Variants in NIPBL observed in about 807,000 individuals in gnomAD.
NIPBL encodes nipped-B-like protein.
Under a neutral mutation model 321.8 loss-of-function variants are expected in NIPBL, and 19 were observed. That is an observed-to-expected ratio of 0.06 (90% confidence interval 0.04 to 0.09). The LOEUF is 0.09. Among genes scored for constraint, NIPBL ranks in the 10% least tolerant of loss-of-function variants. The pLI, the probability that NIPBL is intolerant of heterozygous loss-of-function variation, is 1.00. For missense variants in NIPBL, 2,210 were observed against 3,327.0 expected (o/e 0.66, Z 8.26); for synonymous variants, 1,106 against 1,114.1 (o/e 0.99, Z 0.14).
chr5:36,988,231 C>A (rs1338670045), intron 10 of NIPBL, among the ~76,000 whole-genome samples: 3 of 151,990 alleles, frequency 2.0e-5, no homozygotes, highest in Non-Finnish European at 2.9e-5. Context: ...CACCAAAATG[C>A]GTTTCTGATA....
chr5:36,944,738 T>TAAA (rs995038691), intron 1 of NIPBL, among the ~76,000 whole-genome samples: 1 of 148,198 alleles, frequency 6.7e-6, no homozygotes, highest in African/African-American at 2.5e-5. Context: ...GATGTGCTAG[T>TAAA]AAAAAAAAAA....
At chr5:37,032,738 G>A (rs1751211597) in intron 32 of NIPBL, among the ~76,000 whole-genome samples, 1 of 152,134 alleles carries the variant, frequency 6.6e-6, no homozygotes. Context: ...TTGTGCCACT[G>A]CCCTTTCTTC....
intron 1 of NIPBL, among the ~76,000 whole-genome samples, chr5:36,893,490 AT>A (rs546449629): frequency 0.015 from 2,160 of 147,896 alleles, 54 homozygotes; most frequent in African/African-American, 0.051. Context: ...TCACCTAGGG[AT>A]TTTTTTTTTT....
At chr5:37,037,876 G>A (rs947159069) in intron 33 of NIPBL, among the ~76,000 whole-genome samples, 1 of 150,446 alleles carries the variant, frequency 6.6e-6, no homozygotes, top group East Asian at 1.9e-4. Context: ...TCTGTTTGTT[G>A]CTCCCATTTT....
At chr5:37,049,476 C>T (rs1319015287) in intron 40 of NIPBL, among the ~76,000 whole-genome samples, 175 bp downstream of exon 40, 2 of 152,134 alleles carry the variant, frequency 1.3e-5, no homozygotes, top group African/African-American at 2.4e-5. Context: ...CTGCAAAATA[C>T]CCATATATTC....
rs748641174 is a variant in NIPBL at position 37,036,335 on chromosome 5, GTATATA to G, written c.5863-38_5863-33del. The G allele has an allele frequency of 8.5e-4, 388 of 456,964 alleles. 1 individual carries two copies. Among genetic ancestry groups the G allele is most frequent in the East Asian group, 1.6e-3 (26 of 16,434 alleles). 28.3% of individuals were successfully genotyped at this position (456,964 alleles called of 1,614,324 possible). A position where few individuals can be genotyped will look rare whatever the true frequency, so the allele number is the denominator to read the frequency against. On this transcript the variant is annotated intron_variant, in intron 32 of 46. Coordinates refer to ENST00000282516, the MANE Select transcript of NIPBL (RefSeq NM_133433.4). ...ATACCGGGATTTTTTTTTCTTTTTT[GTATATA>G]TATATGTATATATATATATATATAT... is the stretch of plus-strand genomic sequence containing the variant.
At chr5:36,997,022 T>A (rs1297888741) in intron 11 of NIPBL, 4 of 152,480 alleles carry the variant, frequency 2.6e-5, no homozygotes, top group Non-Finnish European at 5.9e-5. Flanking sequence ...TCATGTATAA[T>A]TGTTATAATT....
intron 40 of NIPBL, among the ~76,000 whole-genome samples, chr5:37,050,265 A>G (rs944667941): frequency 1.3e-5 from 2 of 152,038 alleles, no homozygotes; most frequent in Admixed American, 1.3e-4. Context: ...GGAGTTCAAA[A>G]CCAGCATAGC....
Position 36,970,994 on chromosome 5 carries a change from A to G in NIPBL, c.729A>G (p.Ser243=). 1 of 1,613,770 alleles carries G rather than the reference A, an allele frequency of 6.2e-7. No individual in the cohort carries two copies. ...NHHADNPRHG[S]SEDYLHMVHR... ...ATGCTGATAATCCTAGACATGGTTC[A>G]AGTGAGGACTACCTACACATGGTGC... Residue 243 remains serine (S), a synonymous_variant, in exon 7 of 47, where the codon TCA becomes TCG. Coordinates refer to ENST00000282516, the MANE Select transcript of NIPBL (RefSeq NM_133433.4).
In NIPBL at chr5:36,975,998, G is replaced by A; in HGVS notation, c.1091G>A (p.Arg364His). Reference protein sequence around the residue: ...DSTKLTLRLSRVRSSDMDQQE... With the variant: ...DSTKLTLRLSHVRSSDMDQQE... ...ACTAAACTTACATTAAGACTTTCTC[G>A]TGTAAGGTCTTCAGACATGGACCAG... Residue 364 changes from arginine to histidine, a missense_variant, in exon 9 of 47, where the codon CGT (arginine) becomes CAT (histidine). Coordinates refer to ENST00000282516, the MANE Select transcript of NIPBL (RefSeq NM_133433.4). 3 of 1,614,024 alleles carry A rather than the reference G, an allele frequency of 1.9e-6. No individual in the cohort carries two copies. Among genetic ancestry groups the A allele is most frequent in the Non-Finnish European group, 1.7e-6 (2 of 1,179,934 alleles).
At chr5:37,051,922 C>A in intron 41 of NIPBL, 36 bp downstream of exon 41, 1 of 1,448,722 alleles carries the variant, frequency 6.9e-7, no homozygotes, top group Non-Finnish European at 9.7e-7. Flanking sequence ...TAAATTTAAA[C>A]ATTTTTCTTG....
At position 36,995,795 on chromosome 5, in the gene NIPBL, G is replaced by C; in HGVS notation, c.3295G>C (p.Ala1099Pro). The C allele has an allele frequency of 6.2e-7, 1 of 1,612,470 alleles. No individual in the cohort carries two copies. Among genetic ancestry groups the C allele is most frequent in the Non-Finnish European group, 8.5e-7 (1 of 1,178,706 alleles). Reference sequence around the variant, plus strand: ...AGATGAAGATAATGATAGTGATGAAGCTTTTGAATGTAAGTATCACAGAAC... The same window carrying C: ...AGATGAAGATAATGATAGTGATGAACCTTTTGAATGTAAGTATCACAGAAC... ...SSDEDNDSDEAFESSRKRHKK... is the reference protein window; with the variant it reads ...SSDEDNDSDEPFESSRKRHKK... Residue 1099 changes from alanine to proline, a missense_variant, in exon 11 of 47, where the codon GCT becomes CCT. By Grantham distance (27) the Ala-to-Pro change is conservative. Coordinates refer to ENST00000282516, the MANE Select transcript of NIPBL (RefSeq NM_133433.4).
intron 1 of NIPBL, among the ~76,000 whole-genome samples, chr5:36,902,497 TAG>T (rs1408932523): frequency 6.6e-6 from 1 of 152,090 alleles, no homozygotes; most frequent in Non-Finnish European, 1.5e-5. Context: ...TATTATTGAA[TAG>T]AGAGTCCTTT....
At chr5:36,914,428 C>A (rs1203541447) in intron 1 of NIPBL, among the ~76,000 whole-genome samples, 2 of 152,140 alleles carry the variant, frequency 1.3e-5, no homozygotes, top group African/African-American at 4.8e-5. Context: ...GATCCAAAAT[C>A]CAAAACTTTT....
intron 46 of NIPBL, 125 bp from the exon 47 acceptor site, chr5:37,064,402 C>T (rs1304738194): frequency 6.5e-7 from 1 of 1,545,666 alleles, no homozygotes; most frequent in Non-Finnish European, 8.7e-7. Flanking sequence ...TCATTGCCGG[C>T]AATGGAAGTG....
intron 1 of NIPBL, among the ~76,000 whole-genome samples, chr5:36,940,795 A>G (rs1393543984): frequency 1.3e-5 from 2 of 152,158 alleles, no homozygotes; most frequent in African/African-American, 2.4e-5. Flanking sequence ...AATTCATAAG[A>G]TAAGGATTAA....
intron 10 of NIPBL, among the ~76,000 whole-genome samples, chr5:36,991,019 T>A (rs1745448191): frequency 6.6e-6 from 1 of 152,070 alleles, no homozygotes; most frequent in Non-Finnish European, 1.5e-5. Context: ...AATGAAACCC[T>A]TCTTTACAAG....
intron 22 of NIPBL, among the ~76,000 whole-genome samples, chr5:37,015,488 A>T (rs1300694657): frequency 2.0e-5 from 3 of 152,008 alleles, no homozygotes; most frequent in East Asian, 3.9e-4. Context: ...TAATCCCAGC[A>T]CTTTGGAAGA....
At chr5:36,945,139 G>T (rs1025344899) in intron 1 of NIPBL, among the ~76,000 whole-genome samples, 3 of 152,064 alleles carry the variant, frequency 2.0e-5, no homozygotes. Flanking sequence ...TCATAGACGC[G>T]CTTGGAAATT....
Sources: gnomAD v4.1 joint callset for allele counts (sites outside exome capture counted in the v4.1 genomes callset) on GRCh38, gnomAD v4.1.1 for gene constraint, MANE v1.5 for transcripts, NCBI Gene and HGNC (gene_info 2026-07-23, HGNC 2026-07-21) for gene names.